AFF2: variants seen among roughly 807,000 people sequenced by gnomAD.
The protein encoded by AFF2 is ALF transcription elongation factor 2.
A neutral mutation model predicts 76.9 loss-of-function variants in AFF2; 14 were observed. The observed-to-expected ratio is 0.18, with a 90% CI of 0.12 to 0.28. The LOEUF is 0.28. Ranked by LOEUF, AFF2 falls within the 10% of genes least tolerant of loss-of-function variation. AFF2 has a pLI of 1.00. For missense variants in AFF2, 868 were observed against 1,001.1 expected, an observed-to-expected ratio of 0.87 and a Z score of 1.79; for synonymous variants, 398 against 366.7, an observed-to-expected ratio of 1.09 and a Z score of -0.98.
chrX:148,557,078 C>A (rs1362160868), intron 1 of AFF2, among the ~76,000 whole-genome samples: 2 of 111,613 alleles, frequency 1.8e-5, no homozygotes, highest in Admixed American at 1.9e-4. Context: ...AGATAATGAG[C>A]CTAATTTTCA....
intron 1 of AFF2, among the ~76,000 whole-genome samples, chrX:148,559,292 T>G (rs1459279129): frequency 9.0e-6 from 1 of 111,657 alleles, no homozygotes; most frequent in Non-Finnish European, 1.9e-5. Context: ...TTTTTAAACT[T>G]TAAGTTCTGG....
rs567722276 is a variant in AFF2 at position 148,944,717 on chromosome X, C to T, written c.1398-8863C>T. Reference sequence around the variant, plus strand: ...GAAGACATAATGGTCCATTAGCCAACGTTGGCCAGTCTTACTGGGAACATG... The same window carrying T: ...GAAGACATAATGGTCCATTAGCCAATGTTGGCCAGTCTTACTGGGAACATG... On this transcript the variant is annotated intron_variant, in intron 9 of 20. Transcript: ENST00000370460. Among the ~76,000 whole-genome samples, 15 of 110,473 alleles carry T rather than the reference C, an allele frequency of 1.4e-4. No individual in the cohort carries two copies. In the South Asian group the frequency reaches 5.6e-3, roughly 41 times the overall value.
At chrX:148,640,289 T>C (rs2054075044) in intron 1 of AFF2, among the ~76,000 whole-genome samples, 1 of 112,759 alleles carries the variant, frequency 8.9e-6, no homozygotes, top group African/African-American at 3.2e-5. Context: ...TGGTCACAAC[T>C]TGCTTAAAGC....
chrX:148,956,155 G>T lies in AFF2; in HGVS notation c.2110G>T (p.Val704Leu). The change falls in exon 11 of 21, where the codon GTG becomes TTG. Residue 704 changes from valine (V) to leucine (L), a missense_variant. Val to Leu is a conservative substitution (Grantham distance 32, BLOSUM62 1). Around this residue, in one of 6 missense-constraint regions of AFF2, gnomAD observed 532 missense variants for 564.2 expected, o/e 0.94. Coordinates refer to ENST00000370460, the MANE Select transcript of AFF2 (RefSeq NM_002025.4). Reference protein sequence around the residue: ...KKKYRGPGKIVPKSREFIETD... With the variant: ...KKKYRGPGKILPKSREFIETD... ...GAAGTACAGAGGGCCTGGCAAGATT[G>T]TGCCAAAGTCTCGGGAATTCATTGA... 8.3e-7 allele frequency: 1 copy of T among 1,210,670 alleles called. No individual in the cohort carries two copies. The highest frequency in any genetic ancestry group is 1.1e-6 in the Non-Finnish European group (1 of 895,242).
chrX:148,930,763 G>C (rs1166158046), intron 9 of AFF2, among the ~76,000 whole-genome samples: 1 of 112,280 alleles, frequency 8.9e-6, no homozygotes, highest in Admixed American at 9.4e-5. Flanking sequence ...AAGCTGATGA[G>C]GGTTTAAATA....
chrX:148,952,708 G>A (rs1034445220), intron 9 of AFF2, among the ~76,000 whole-genome samples: 1 of 112,215 alleles, frequency 8.9e-6, no homozygotes, highest in Non-Finnish European at 1.9e-5. Flanking sequence ...AATAAAGGCA[G>A]AGTAGCAAAT....
In AFF2 at chrX:148,979,547, A is replaced by G. The variant is rs143766455; in HGVS notation, c.3570+1092A>G. The stretch of plus-strand genomic sequence containing the variant: ...AAGAATGCCTTGCCCCAGCTCCCAG[A>G]TACCTGATTCTGTAGGTCTGAGGTA... On this transcript the variant is annotated intron_variant, in intron 18 of 20. Coordinates refer to ENST00000370460, the MANE Select transcript of AFF2 (RefSeq NM_002025.4). Among the ~76,000 whole-genome samples, 1,098 of 112,017 alleles carry G rather than the reference A, an allele frequency of 9.8e-3. 9 individuals are homozygous for G. Among genetic ancestry groups the G allele is most frequent in the African/African-American group, 0.034 (1,049 of 30,747 alleles).
chrX:148,763,516 T>C (rs2069477251), intron 3 of AFF2, among the ~76,000 whole-genome samples: 1 of 110,856 alleles, frequency 9.0e-6, no homozygotes, highest in South Asian at 3.8e-4. Context: ...ATGGTGACTC[T>C]AGTTATTAAC....
chrX:148,750,632 A>C (rs1179348487), intron 3 of AFF2, among the ~76,000 whole-genome samples: 2 of 111,728 alleles, frequency 1.8e-5, no homozygotes, highest in East Asian at 5.6e-4. Flanking sequence ...TCTGGATCCT[A>C]TGCAACCCTG....
At chrX:148,501,789 C>T (rs181320944) in intron 1 of AFF2, among the ~76,000 whole-genome samples, 2,593 of 113,023 alleles carry the variant, frequency 0.023, 27 homozygotes, top group Non-Finnish European at 0.036. Context: ...TGAGGGTTTT[C>T]GGAGTTGGCC....
chrX:148,902,252 T>C (rs1188169760), intron 8 of AFF2, among the ~76,000 whole-genome samples: 1 of 111,689 alleles, frequency 9.0e-6, no homozygotes, highest in Non-Finnish European at 1.9e-5. Context: ...TCCTGTCTCC[T>C]GCCAGTGGCA....
intron 1 of AFF2, among the ~76,000 whole-genome samples, chrX:148,598,281 A>G (rs781924730): frequency 8.9e-6 from 1 of 111,958 alleles, no homozygotes; most frequent in South Asian, 3.7e-4. Flanking sequence ...CTTTCACGCC[A>G]TCTTCCAGCC....
intron 1 of AFF2, among the ~76,000 whole-genome samples, chrX:148,608,177 A>G (rs1381922097): frequency 1.8e-5 from 2 of 111,755 alleles, no homozygotes; most frequent in Non-Finnish European, 3.8e-5. Context: ...TGGATTATAT[A>G]GTTTTGGGAG....
At chrX:148,581,104 T>TAC (rs1313590174) in intron 1 of AFF2, among the ~76,000 whole-genome samples, 20 of 102,611 alleles carry the variant, frequency 1.9e-4, no homozygotes, top group African/African-American at 6.5e-4. Context: ...TATGTATATA[T>TAC]ACACATACGT....
chrX:148,642,545 G>T (rs1177795359), intron 1 of AFF2, among the ~76,000 whole-genome samples: 1 of 112,051 alleles, frequency 8.9e-6, no homozygotes, highest in Non-Finnish European at 1.9e-5. Context: ...AATACTTCAG[G>T]TAGCTTTTTC....
chrX:148,829,073 T>G (rs2070421989), intron 4 of AFF2, among the ~76,000 whole-genome samples: 1 of 112,620 alleles, frequency 8.9e-6, no homozygotes, highest in African/African-American at 3.2e-5. Flanking sequence ...CTTAAACAAC[T>G]GCCAGCACTA....
intron 3 of AFF2, among the ~76,000 whole-genome samples, chrX:148,760,873 G>A (rs1192181216): frequency 2.7e-5 from 3 of 111,814 alleles, no homozygotes; most frequent in African/African-American, 9.7e-5. Flanking sequence ...ATATTCCTGT[G>A]TTAAGCTGAC....
At chrX:148,933,492 C>T (rs2071737695) in intron 9 of AFF2, among the ~76,000 whole-genome samples, 1 of 111,435 alleles carries the variant, frequency 9.0e-6, no homozygotes, top group Admixed American at 9.6e-5. Context: ...ACAGAGAGAA[C>T]AGTAAGGAAG....
intron 3 of AFF2, among the ~76,000 whole-genome samples, chrX:148,674,743 A>C (rs1237161601): frequency 8.9e-6 from 1 of 112,430 alleles, no homozygotes; most frequent in East Asian, 2.8e-4. Flanking sequence ...AGAGGTGACC[A>C]CAGAGATAAC....
Sources: allele counts gnomAD v4.1 joint callset (sites outside exome capture counted in the v4.1 genomes callset), GRCh38; gene constraint gnomAD v4.1.1; regional missense constraint gnomAD v4.1.1; transcripts MANE v1.5; gene names NCBI Gene and HGNC (gene_info 2026-07-23, HGNC 2026-07-21).